Variants in ZNF470 observed in about 807,000 individuals in gnomAD.
ZNF470 encodes zinc finger protein 470, also known as chondrogenesis zinc finger protein 1.
ZNF470 carries 13 observed loss-of-function variants against 13.9 expected under a neutral mutation model. The ratio of observed to expected loss-of-function variants is 0.94; its 90% CI spans 0.61 to 1.49. The LOEUF (loss-of-function observed/expected upper bound fraction) is 1.49, where lower values mean the gene tolerates loss of function less well. ZNF470 is among the 40% of genes most tolerant of loss of function. The pLI is 0.00. For missense variants in ZNF470, 929 were observed against 857.3 expected (o/e 1.08, Z -1.04); for synonymous variants, 293 against 282.9 (o/e 1.04, Z -0.36).
Position 56,581,249 on chromosome 19 carries a change from T to C in ZNF470, c.*2666T>C, listed in dbSNP as rs2044533356. 3 of 619,094 alleles carry C rather than the reference T, an allele frequency of 4.8e-6. No homozygotes were observed. Among genetic ancestry groups the C allele is most frequent in the Non-Finnish European group, 6.0e-6 (3 of 496,010 alleles). The allele number at this position is 619,094 out of a possible 1,614,324, so 38.4% of individuals were successfully genotyped here. A position where few individuals can be genotyped will look rare whatever the true frequency, so the allele number is the denominator to read the frequency against. ...CAATAAAAGCAGTTAATGAAAATTA[T>C]CCAATATCACTAGAAATCAAGAAAT... On this transcript the variant is annotated 3_prime_UTR_variant, in exon 6 of 6. Transcript: ENST00000330619.
intron 2 of ZNF470, among the ~76,000 whole-genome samples, chr19:56,569,396 C>A (rs903774640): frequency 7.9e-5 from 12 of 152,154 alleles, no homozygotes; most frequent in African/African-American, 2.9e-4. Context: ...ATGGAATTCT[C>A]CATGGAATTT....
At position 56,579,382 on chromosome 19, in the gene ZNF470, A is replaced by G. The variant is rs1457822230; in HGVS notation, c.*799A>G. ...GGTTGCAGTGAGTCATGATCACACC[A>G]CTGCAATTCCAGCTGGGCAGCAGAG... On this transcript the variant is annotated 3_prime_UTR_variant, in exon 6 of 6. Transcript: ENST00000330619. 2.2e-6 allele frequency: 2 copies of G among 928,790 alleles called. No homozygotes were observed. The highest frequency in any genetic ancestry group is 2.6e-6 in the Non-Finnish European group (2 of 778,424). The allele number at this position is 928,790 out of a possible 1,614,324, so 57.5% of individuals were successfully genotyped here.
rs559455211 is a variant in ZNF470, at chr19:56,579,085, C to T, written c.*502C>T. 3.0e-6 allele frequency: 3 copies of T among 985,634 alleles called. No homozygotes were observed. In the East Asian group the frequency reaches 3.4e-4, roughly 112 times the overall value. The allele number at this position is 985,634 out of a possible 1,614,324, so 61.1% of individuals were successfully genotyped here. On this transcript the variant is annotated 3_prime_UTR_variant, in exon 6 of 6. Transcript: ENST00000330619. ...TCTGTGACATTGTTGATGAGCAACT[C>T]TCACTTTACCTGACACTGAGAAGTG...
At position 56,574,401 on chromosome 19, in the gene ZNF470, T is replaced by C; in HGVS notation, c.68T>C (p.Val23Ala). Reference sequence around the variant, plus strand: ...ATATTTGTGTCATTTTAGGGTTCAGTGACTTTCACAGATGTGGCCATAGAC... The same window carrying C: ...ATATTTGTGTCATTTTAGGGTTCAGCGACTTTCACAGATGTGGCCATAGAC... ...KLCKAMSLGS[V>A]TFTDVAIDFS... The change falls in exon 4 of 6, where the codon GTG (valine) becomes GCG (alanine). Residue 23 changes from valine to alanine, a missense_variant. Coordinates refer to ENST00000330619, the MANE Select transcript of ZNF470 (RefSeq NM_001001668.4). 1 of 1,613,764 alleles carries C rather than the reference T, an allele frequency of 6.2e-7. No homozygotes were observed. The highest frequency in any genetic ancestry group is 8.5e-7 in the Non-Finnish European group (1 of 1,179,706).
intron 2 of ZNF470, 123 bp from the exon 3 acceptor site, chr19:56,570,157 G>T: frequency 1.5e-6 from 1 of 660,452 alleles, no homozygotes; most frequent in Non-Finnish European, 2.7e-6. Context: ...CATCAGGACT[G>T]TGGGGTGGGG....
At position 56,582,675 on chromosome 19, in the gene ZNF470, C is replaced by T. The variant is rs2044543533; in HGVS notation, c.*4092C>T. On this transcript the variant is annotated 3_prime_UTR_variant, in exon 6 of 6. Transcript: ENST00000330619. ...TTAAGTTAGGCCATAAGAGTGAGGC[C>T]CTAATCCCATAGGACTAGTGTCCTT... The T allele has an allele frequency of 4.8e-6, 3 of 623,424 alleles. No individual in the cohort carries two copies. The highest frequency in any genetic ancestry group is 6.0e-6 in the Non-Finnish European group (3 of 499,676). The allele number at this position is 623,424 out of a possible 1,614,324, so 38.6% of individuals were successfully genotyped here.
chr19:56,579,186 C>T lies in ZNF470; in HGVS notation c.*603C>T. 1 of 973,122 alleles carries T rather than the reference C, an allele frequency of 1.0e-6. No individual in the cohort carries two copies. The highest frequency in any genetic ancestry group is 1.2e-6 in the Non-Finnish European group (1 of 818,746). 60.3% of individuals were successfully genotyped at this position (973,122 alleles called of 1,614,324 possible). A position where few individuals can be genotyped will look rare whatever the true frequency, so the allele number is the denominator to read the frequency against. On this transcript the variant is annotated 3_prime_UTR_variant, in exon 6 of 6. Transcript: ENST00000330619. ...CCTGTAGTCCCAGCACTTTGGGAGGCTGAGGCAGGCAGATTGCTTGAGCTC... is the reference window on the plus strand; with the variant it reads ...CCTGTAGTCCCAGCACTTTGGGAGGTTGAGGCAGGCAGATTGCTTGAGCTC...
Position 56,579,689 on chromosome 19 carries a change from A to T in ZNF470, c.*1106A>T, listed in dbSNP as rs1010698745. The T allele has an allele frequency of 1.0e-6, 1 of 985,222 alleles. No individual in the cohort carries two copies. The highest frequency in any genetic ancestry group is 1.2e-6 in the Non-Finnish European group (1 of 829,818). 61.0% of individuals were successfully genotyped at this position (985,222 alleles called of 1,614,324 possible). On this transcript the variant is annotated 3_prime_UTR_variant, in exon 6 of 6. Transcript: ENST00000330619. ...GACATGCCAAAACATAAAAATATGT[A>T]CACTGCAATTAGTTTCTGAATGTAG...
intron 3 of ZNF470, among the ~76,000 whole-genome samples, chr19:56,572,494 A>G (rs1267698416): frequency 7.2e-6 from 1 of 139,380 alleles, no homozygotes; most frequent in African/African-American, 2.8e-5. Flanking sequence ...GTGAGCCAAG[A>G]TTGTACCACT....
Position 56,582,478 on chromosome 19 carries a change from AT to A in ZNF470, c.*3899del. The A allele has an allele frequency of 1.0e-6, 1 of 985,408 alleles. No individual in the cohort carries two copies. Among genetic ancestry groups the A allele is most frequent in the Non-Finnish European group, 1.2e-6 (1 of 829,926 alleles). The allele number at this position is 985,408 out of a possible 1,614,324, so 61.0% of individuals were successfully genotyped here. A position where few individuals can be genotyped will look rare whatever the true frequency, so the allele number is the denominator to read the frequency against. On this transcript the variant is annotated 3_prime_UTR_variant, in exon 6 of 6. Coordinates refer to ENST00000330619, the MANE Select transcript of ZNF470 (RefSeq NM_001001668.4). ...ATTGTTAAAGTGGAATGCTGGTTAA[AT>A]TTTATACTTTATTCACAAGAGTCAC...
chr19:56,569,613 G>T (rs746420137), intron 2 of ZNF470, among the ~76,000 whole-genome samples: 1 of 152,134 alleles, frequency 6.6e-6, no homozygotes, highest in Non-Finnish European at 1.5e-5. Context: ...ACCCGATTCT[G>T]TTTGAAGATT....
intron 2 of ZNF470, among the ~76,000 whole-genome samples, chr19:56,569,312 G>A (rs867701483): frequency 6.6e-6 from 1 of 152,120 alleles, no homozygotes; most frequent in Non-Finnish European, 1.5e-5. Context: ...GGCCTCATGA[G>A]GATTTTTTCA....
At chr19:56,576,251 C>T (rs1048342449) in intron 5 of ZNF470, among the ~76,000 whole-genome samples, 1 of 152,004 alleles carries the variant, frequency 6.6e-6, no homozygotes, top group Non-Finnish European at 1.5e-5. Flanking sequence ...AGTAAGTTAC[C>T]ATCAGAGAAA....
intron 5 of ZNF470, among the ~76,000 whole-genome samples, chr19:56,575,902 A>AT (rs1156790131): frequency 6.6e-6 from 1 of 152,178 alleles, no homozygotes; most frequent in African/African-American, 2.4e-5. Context: ...AACAAAATGA[A>AT]TTTAAGGAAA....
chr19:56,567,678 A>G lies in ZNF470; in HGVS notation c.-519A>G, dbSNP rs1384048953. On this transcript the variant is annotated 5_prime_UTR_variant, in exon 1 of 6. Coordinates refer to ENST00000330619, the MANE Select transcript of ZNF470 (RefSeq NM_001001668.4). ...GTGAGCGTGCGGTGCTGTGCTGAGG[A>G]GGGGCGAGCGCGCGCGGGGATGGCG... 1 of 986,670 alleles carries G rather than the reference A, an allele frequency of 1.0e-6. No individual in the cohort carries two copies. The highest frequency in any genetic ancestry group is 1.8e-5 in the African/African-American group (1 of 57,030). The allele number at this position is 986,670 out of a possible 1,614,324, so 61.1% of individuals were successfully genotyped here.
intron 3 of ZNF470, among the ~76,000 whole-genome samples, chr19:56,570,993 A>G (rs1045727849): frequency 6.6e-6 from 1 of 152,238 alleles, no homozygotes; most frequent in Non-Finnish European, 1.5e-5. Context: ...TGAGCAGGAT[A>G]TAGCCTGCAC....
At chr19:56,572,686 C>G (rs976548554) in intron 3 of ZNF470, among the ~76,000 whole-genome samples, 3 of 52,700 alleles carry the variant, frequency 5.7e-5, no homozygotes, top group Non-Finnish European at 1.1e-4. Flanking sequence ...GCAGGAGAAG[C>G]CTTCTAGTTG....
chr19:56,582,606 CCAACAT>C lies in ZNF470; in HGVS notation c.*4024_*4029del, dbSNP rs2044543211. 1.0e-6 allele frequency: 1 copy of C among 980,586 alleles called. No homozygotes were observed. The highest frequency in any genetic ancestry group is 4.7e-5 in the South Asian group (1 of 21,224). The allele number at this position is 980,586 out of a possible 1,614,324, so 60.7% of individuals were successfully genotyped here. On this transcript the variant is annotated 3_prime_UTR_variant, in exon 6 of 6. Coordinates refer to ENST00000330619, the MANE Select transcript of ZNF470 (RefSeq NM_001001668.4). ...AATTTACTTGTTGAAGTCCTAAACC[CCAACAT>C]GACTGTATTTGGACATAAGGCCTTT...
chr19:56,573,722 G>A (rs951791670), intron 3 of ZNF470, among the ~76,000 whole-genome samples: 1 of 152,186 alleles, frequency 6.6e-6, no homozygotes, highest in East Asian at 1.9e-4. Flanking sequence ...TGGGAGGATT[G>A]TGAGAGGCCA....
Sources: gnomAD v4.1 joint callset for allele counts (sites outside exome capture counted in the v4.1 genomes callset) on GRCh38, gnomAD v4.1.1 for gene constraint, MANE v1.5 for transcripts, NCBI Gene and HGNC (gene_info 2026-07-23, HGNC 2026-07-21) for gene names.